The following CACNA2D1 variants were observed in gnomAD, a reference collection of about 807,000 sequenced individuals.
CACNA2D1 encodes the protein calcium voltage-gated channel auxiliary subunit alpha2delta 1, also known as voltage-dependent calcium channel subunit alpha-2/delta-1.
CACNA2D1 carries 53 observed loss-of-function variants against 171.5 expected under a neutral mutation model. The observed-to-expected ratio is 0.31, with a 90% CI of 0.25 to 0.39. The LOEUF is 0.39. Ranked by LOEUF, CACNA2D1 falls within the 10% of genes least tolerant of loss-of-function variation. The probability of loss-of-function intolerance (pLI) is 1.00; values close to 1 mark genes in which losing one functional copy is unlikely to be tolerated. For synonymous variants in CACNA2D1, 442 were observed against 443.1 expected (o/e 1.00, Z 0.03); for missense variants, 903 against 1,299.8 (o/e 0.69, Z 4.69).
chr7:82,080,920 CCTA>C (rs1392004719), intron 7 of CACNA2D1, among the ~76,000 whole-genome samples: 1 of 152,178 alleles, frequency 6.6e-6, no homozygotes, highest in African/African-American at 2.4e-5. Flanking sequence ...TGTAGAAATG[CCTA>C]CTGTTTCCTA....
intron 7 of CACNA2D1, among the ~76,000 whole-genome samples, chr7:82,072,464 T>A (rs1563001673): frequency 6.6e-6 from 1 of 151,918 alleles, no homozygotes; most frequent in Non-Finnish European, 1.5e-5. Context: ...TATTGCTATA[T>A]AAGACTTCTA....
At chr7:82,055,371 A>G (rs554059546) in intron 10 of CACNA2D1, among the ~76,000 whole-genome samples, 9 of 152,176 alleles carry the variant, frequency 5.9e-5, no homozygotes, top group Admixed American at 3.9e-4. Flanking sequence ...TTTAGACAAC[A>G]AAAAGGCCAA....
chr7:82,020,715 A>G (rs1801084723), intron 12 of CACNA2D1: 1 of 152,096 alleles, frequency 6.6e-6, no homozygotes, highest in African/African-American at 2.4e-5. Context: ...ATACTTAGCA[A>G]CAAACTCTAA....
At chr7:82,114,612 C>T (rs543487704) in intron 6 of CACNA2D1, among the ~76,000 whole-genome samples, 5 of 151,926 alleles carry the variant, frequency 3.3e-5, no homozygotes, top group African/African-American at 4.8e-5. Flanking sequence ...AAAAATTAGC[C>T]GGGCATGGTG....
At chr7:82,298,056 C>A (rs1311128014) in intron 3 of CACNA2D1, among the ~76,000 whole-genome samples, 1 of 151,812 alleles carries the variant, frequency 6.6e-6, no homozygotes, top group Non-Finnish European at 1.5e-5. Context: ...AAATGTTATT[C>A]AAAAACTCTT....
chr7:82,241,484 A>G (rs1253960022), intron 3 of CACNA2D1, among the ~76,000 whole-genome samples: 1 of 152,126 alleles, frequency 6.6e-6, no homozygotes, highest in Non-Finnish European at 1.5e-5. Flanking sequence ...AATACCCCAC[A>G]ATGAAATCTC....
At chr7:82,217,087 C>T (rs970084004) in intron 3 of CACNA2D1, among the ~76,000 whole-genome samples, 8 of 151,810 alleles carry the variant, frequency 5.3e-5, no homozygotes, top group South Asian at 2.1e-4. Context: ...ACTCCATTAA[C>T]GACAGAAGCT....
intron 12 of CACNA2D1, among the ~76,000 whole-genome samples, chr7:82,023,239 A>T (rs1801462726): frequency 1.3e-5 from 2 of 151,904 alleles, no homozygotes; most frequent in African/African-American, 4.8e-5. Flanking sequence ...TAAAGATTAT[A>T]AAGCAAATGT....
chr7:82,431,680 C>G (rs1049225622), intron 1 of CACNA2D1, among the ~76,000 whole-genome samples: 1 of 152,038 alleles, frequency 6.6e-6, no homozygotes, highest in Admixed American at 6.6e-5. Context: ...AACTTGTTCC[C>G]GCATTTACAA....
In CACNA2D1 at chr7:82,443,693, C is replaced by T; in HGVS notation, c.-234G>A. ...ACTAGCGTGCGTCGGCTGCTCCGCG[C>T]CGCGGCCGCCTTGCCTCCGCCGCCA... is the stretch of plus-strand genomic sequence containing the variant. On this transcript the variant is annotated 5_prime_UTR_variant, in exon 1 of 39. Transcript: ENST00000356860. 8.1e-7 allele frequency: 1 copy of T among 1,236,688 alleles called. No individual in the cohort carries two copies. The allele number at this position is 1,236,688 out of a possible 1,614,324, so 76.6% of individuals were successfully genotyped here.
At chr7:82,048,562 A>G (rs1297156953) in intron 10 of CACNA2D1, among the ~76,000 whole-genome samples, 2 of 152,096 alleles carry the variant, frequency 1.3e-5, no homozygotes, top group Non-Finnish European at 2.9e-5. Flanking sequence ...TGCTTTTTTT[A>G]TTCCTCTAGG....
intron 4 of CACNA2D1, among the ~76,000 whole-genome samples, chr7:82,166,005 C>T (rs187676707): frequency 1.3e-5 from 2 of 152,076 alleles, no homozygotes; most frequent in East Asian, 3.9e-4. Context: ...GTCTTCGATT[C>T]TAAGTAAAAC....
intron 1 of CACNA2D1, among the ~76,000 whole-genome samples, chr7:82,410,874 A>G (rs1218244076): frequency 6.6e-6 from 1 of 152,212 alleles, no homozygotes; most frequent in Non-Finnish European, 1.5e-5. Context: ...CAAATTCATA[A>G]TCATAAAAGG....
intron 3 of CACNA2D1, among the ~76,000 whole-genome samples, chr7:82,331,619 C>A (rs1817306177): frequency 6.6e-6 from 1 of 152,174 alleles, no homozygotes; most frequent in Admixed American, 6.5e-5. Context: ...ATTCTGTCAT[C>A]ATGTGCTTAA....
At chr7:82,378,348 G>T (rs543768073) in intron 1 of CACNA2D1, among the ~76,000 whole-genome samples, 1 of 152,168 alleles carries the variant, frequency 6.6e-6, no homozygotes, top group Non-Finnish European at 1.5e-5. Flanking sequence ...GCAGTGAACC[G>T]TGTTAGTGCC....
chr7:82,149,787 C>G lies in CACNA2D1; in HGVS notation c.355-13111G>C, dbSNP rs371013261. On this transcript the variant is annotated intron_variant, in intron 4 of 38. Transcript: ENST00000356860. Reference sequence around the variant, plus strand: ...ACTAAAAATACAAAAAAAAAACAAACAAACAACAAAAAAAAAAACATTAGC... The same window carrying G: ...ACTAAAAATACAAAAAAAAAACAAAGAAACAACAAAAAAAAAAACATTAGC... 5.3e-3 allele frequency among the ~76,000 whole-genome samples: 650 copies of G among 123,060 alleles called. 7 individuals are homozygous for G. Among genetic ancestry groups the G allele is most frequent in the African/African-American group, 0.017 (605 of 35,600 alleles). The allele number at this position is 123,060 out of a possible 152,430, so 80.7% of individuals were successfully genotyped here.
At chr7:81,980,062 A>C (rs557614761) in intron 24 of CACNA2D1, among the ~76,000 whole-genome samples, 203 of 146,162 alleles carry the variant, frequency 1.4e-3, no homozygotes, top group African/African-American at 4.8e-3. Flanking sequence ...ACATTGAGGA[A>C]TTTTTAAGTT....
intron 2 of CACNA2D1, among the ~76,000 whole-genome samples, chr7:82,347,926 T>C (rs2129445678): frequency 6.6e-6 from 1 of 152,304 alleles, no homozygotes; most frequent in East Asian, 1.9e-4. Flanking sequence ...GAAAATTCTT[T>C]TTGGTTAATG....
intron 3 of CACNA2D1, among the ~76,000 whole-genome samples, chr7:82,192,119 C>A (rs1798357822): frequency 2.0e-5 from 3 of 151,330 alleles, no homozygotes. Context: ...AATACAGTTC[C>A]TGCCCTCAAG....
Sources: gnomAD v4.1 joint callset for allele counts (sites outside exome capture counted in the v4.1 genomes callset) on GRCh38, gnomAD v4.1.1 for gene constraint, MANE v1.5 for transcripts, NCBI Gene and HGNC (gene_info 2026-07-23, HGNC 2026-07-21) for gene names.